The following TEX9 variants were observed in gnomAD, a reference collection of about 807,000 sequenced individuals.
TEX9 encodes testis expressed 9, also known as testis-expressed protein 9.
A neutral mutation model predicts 59.6 loss-of-function variants in TEX9; 74 were observed. That is an observed-to-expected ratio of 1.24 (90% CI 1.03 to 1.51). The LOEUF (loss-of-function observed/expected upper bound fraction) is 1.51, where lower values mean the gene tolerates loss of function less well. Ranked by LOEUF, TEX9 falls within the 40% of genes most tolerant of loss-of-function variation. TEX9 has a pLI of 0.00. For missense variants in TEX9, 522 were observed against 447.8 expected (o/e 1.17, Z -1.49); for synonymous variants, 186 against 152.2 (o/e 1.22, Z -1.64).
At chr15:56,311,542 A>C in intron 1 of TEX9, among the ~76,000 whole-genome samples, 10 of 127,534 alleles carry the variant, frequency 7.8e-5, no homozygotes, top group Non-Finnish European at 1.3e-4. Context: ...CCAGTCTATC[A>C]TTGTTGGACA....
chr15:56,387,921 A>G (rs1298590046), intron 4 of TEX9, among the ~76,000 whole-genome samples: 2 of 151,996 alleles, frequency 1.3e-5, no homozygotes, highest in Admixed American at 6.6e-5. Context: ...GTGTATAAAA[A>G]TGAATTGCAT....
intron 1 of TEX9, among the ~76,000 whole-genome samples, chr15:56,260,515 TA>T (rs1195428447): frequency 4.6e-5 from 7 of 152,022 alleles, no homozygotes; most frequent in African/African-American, 7.2e-5. Context: ...ATTATTTACA[TA>T]AAAAAAGCAA....
At chr15:56,348,213 T>C (rs1339560899) in intron 1 of TEX9, among the ~76,000 whole-genome samples, 1 of 152,110 alleles carries the variant, frequency 6.6e-6, no homozygotes, top group East Asian at 1.9e-4. Context: ...TTTAAGTTTT[T>C]TTATATAAAA....
intron 9 of TEX9, among the ~76,000 whole-genome samples, chr15:56,400,399 A>C (rs2048709990): frequency 6.6e-6 from 1 of 152,228 alleles, no homozygotes; most frequent in Admixed American, 6.5e-5. Context: ...TTGAAGATCT[A>C]ATTAATGAAA....
At chr15:56,251,864 A>G (rs527892613) in intron 1 of TEX9, among the ~76,000 whole-genome samples, 1 of 152,238 alleles carries the variant, frequency 6.6e-6, no homozygotes, top group East Asian at 1.9e-4. Flanking sequence ...GAACAGACAT[A>G]CAAGCGACGG....
chr15:56,320,125 T>C (rs553059402), intron 1 of TEX9, among the ~76,000 whole-genome samples: 1 of 152,328 alleles, frequency 6.6e-6, no homozygotes, highest in African/African-American at 2.4e-5. Flanking sequence ...CAACATCTTT[T>C]AAACTCTCAT....
Position 56,373,503 on chromosome 15 carries a change from TAGTA to T in TEX9, c.183+4_183+7del, listed in dbSNP as rs762980521. On this transcript the variant is annotated splice_donor_variant and splice_donor_region_variant and coding_sequence_variant and intron_variant, in exon 3 of 13. Coordinates refer to ENST00000352903, the Ensembl canonical transcript of TEX9. LOFTEE classifies it high-confidence loss of function. ...GTGGTTCAACAAGCTAAGGAAATAA[TAGTA>T]AGTATATGTACAATTATTAATAATT... 4.9e-5 allele frequency: 77 copies of T among 1,563,292 alleles called. No homozygotes were observed. The highest frequency in any genetic ancestry group is 1.9e-4 in the Middle Eastern group (1 of 5,258).
At chr15:56,356,843 G>A (rs1254588081) in intron 1 of TEX9, among the ~76,000 whole-genome samples, 1 of 152,082 alleles carries the variant, frequency 6.6e-6, no homozygotes, top group Non-Finnish European at 1.5e-5. Flanking sequence ...GTTGTGGTTT[G>A]GCATCACATG....
In TEX9 at chr15:56,405,176, C is replaced by T. The variant is rs1209870856; in HGVS notation, c.829-7126C>T. ...CAAAAAAGCCGGGCGTGGTGGTGGG[C>T]GCCTGTAGTCTCAGCTACTTGGGAG... On this transcript the variant is annotated intron_variant, in intron 9 of 12. Coordinates refer to ENST00000352903, the Ensembl canonical transcript of TEX9. 6.6e-5 allele frequency among the ~76,000 whole-genome samples: 10 copies of T among 151,824 alleles called. No individual in the cohort carries two copies. In the South Asian group the frequency reaches 1.5e-3, roughly 22 times the overall value.
exon 7 of TEX9, chr15:56,391,277 G>A (rs779023970): frequency 2.2e-5 from 34 of 1,578,476 alleles, no homozygotes; most frequent in South Asian, 6.0e-5. Flanking sequence ...CCAAACTGCC[G>A]ACGATGTTGC....
At chr15:56,311,182 G>A (rs1309517958) in intron 1 of TEX9, among the ~76,000 whole-genome samples, 2 of 136,744 alleles carry the variant, frequency 1.5e-5, no homozygotes, top group African/African-American at 6.0e-5. Context: ...TAGGGTACAT[G>A]TGCACATTGT....
chr15:56,389,507 C>G (rs1334212997), intron 6 of TEX9, 107 bp downstream of exon 6: 2 of 787,510 alleles, frequency 2.5e-6, no homozygotes, highest in East Asian at 5.5e-5. Flanking sequence ...TTTTTACACC[C>G]TAAACATTAA....
intron 12 of TEX9, chr15:56,434,217 T>A: frequency 1.2e-6 from 2 of 1,613,998 alleles, no homozygotes; most frequent in Non-Finnish European, 1.7e-6. Flanking sequence ...CTTCATTCTT[T>A]GTTTCTGAGC....
At chr15:56,412,584 C>T in intron 10 of TEX9, 148 bp downstream of exon 10, 1 of 892,906 alleles carries the variant, frequency 1.1e-6, no homozygotes, top group Non-Finnish European at 1.6e-6. Flanking sequence ...TAGCAGTATA[C>T]ACATTTCTAA....
chr15:56,378,122 TG>T (rs2047548015), intron 3 of TEX9, among the ~76,000 whole-genome samples: 1 of 152,172 alleles, frequency 6.6e-6, no homozygotes, highest in African/African-American at 2.4e-5. Flanking sequence ...GAATTCTGTT[TG>T]CTAGTATTTT....
chr15:56,363,712 C>G (rs955373739), upstream of TEX9, among the ~76,000 whole-genome samples: 2 of 151,550 alleles, frequency 1.3e-5, no homozygotes, highest in Non-Finnish European at 2.9e-5. Context: ...GTGACCCAGG[C>G]TAGAGTGCAG....
rs201845147 is a variant in TEX9 at position 56,431,521 on chromosome 15, G to C, written c.*29+3048G>C. The C allele has an allele frequency of 5.0e-5, 81 of 1,612,404 alleles. 1 individual carries two copies. Among genetic ancestry groups the C allele is most frequent in the Non-Finnish European group, 8.5e-7 (1 of 1,179,494 alleles). ...TTGCTGGAAATGCAGATCAAATTTT[G>C]TTATCACAAAGTACATTAATCTTAT... On this transcript the variant is annotated intron_variant, in intron 12 of 12. Coordinates refer to ENST00000352903, the Ensembl canonical transcript of TEX9.
chr15:56,379,856 TGC>T (rs1292467713), intron 3 of TEX9, among the ~76,000 whole-genome samples: 1 of 113,620 alleles, frequency 8.8e-6, no homozygotes, highest in Non-Finnish European at 1.8e-5. Flanking sequence ...TAGGTTCTCC[TGC>T]TTTTTTTTTT....
chr15:56,351,908 G>C (rs943511951), intron 1 of TEX9, among the ~76,000 whole-genome samples: 11 of 151,938 alleles, frequency 7.2e-5, no homozygotes, highest in African/African-American at 2.7e-4. Flanking sequence ...GCTTTATTTT[G>C]GTTTCTTTAT....
Sources: allele counts gnomAD v4.1 joint callset (sites outside exome capture counted in the v4.1 genomes callset), GRCh38; gene constraint gnomAD v4.1.1; transcripts MANE v1.5; gene names NCBI Gene and HGNC (gene_info 2026-07-23, HGNC 2026-07-21).